Variants in CADPS observed in about 807,000 individuals in gnomAD.
CADPS encodes the protein calcium dependent secretion activator, also known as calcium-dependent secretion activator 1.
Under a neutral mutation model 167.3 loss-of-function variants are expected in CADPS, and 57 were observed. The observed-to-expected ratio is 0.34, with a 90% confidence interval of 0.28 to 0.42. The LOEUF (loss-of-function observed/expected upper bound fraction) is 0.42. Among genes scored for constraint, CADPS ranks in the 20% least tolerant of loss-of-function variants. CADPS has a pLI of 1.00. For missense variants in CADPS, 1,414 were observed against 1,738.1 expected (o/e 0.81, Z 3.32); for synonymous variants, 676 against 635.3 (o/e 1.06, Z -0.96).
chr3:62,436,600 G>C (rs908052811), intron 28 of CADPS, among the ~76,000 whole-genome samples: 1 of 152,170 alleles, frequency 6.6e-6, no homozygotes, highest in African/African-American at 2.4e-5. Flanking sequence ...CAGAGAAGGG[G>C]GAGGACCCGC....
At chr3:62,429,081 C>G (rs764926684) in intron 28 of CADPS, among the ~76,000 whole-genome samples, 1 of 150,802 alleles carries the variant, frequency 6.6e-6, no homozygotes, top group Non-Finnish European at 1.5e-5. Flanking sequence ...GTGGTAATAT[C>G]AGGAACTATC....
At chr3:62,464,778 G>C (rs1380500645) in intron 26 of CADPS, among the ~76,000 whole-genome samples, 1 of 152,062 alleles carries the variant, frequency 6.6e-6, no homozygotes, top group African/African-American at 2.4e-5. Flanking sequence ...CCAGGAGGGG[G>C]TTACAGCAAA....
chr3:62,750,774 C>G (rs2082522186), intron 3 of CADPS, among the ~76,000 whole-genome samples: 1 of 152,204 alleles, frequency 6.6e-6, no homozygotes, highest in Non-Finnish European at 1.5e-5. Flanking sequence ...CTCCACTTAG[C>G]AATATCTAAG....
intron 3 of CADPS, among the ~76,000 whole-genome samples, chr3:62,750,353 CAAAAAAAAAAAAA>C (rs56069272): frequency 2.2e-5 from 1 of 44,890 alleles, no homozygotes; most frequent in Non-Finnish European, 3.8e-5. Flanking sequence ...TCTTAAGCTC[CAAAAAAAAAAAAA>C]AAAAAAAAAA....
At chr3:62,628,479 G>A (rs1294694581) in intron 6 of CADPS, among the ~76,000 whole-genome samples, 2 of 152,086 alleles carry the variant, frequency 1.3e-5, no homozygotes, top group Non-Finnish European at 2.9e-5. Flanking sequence ...CAGGTGGGGT[G>A]ACAAATTAAT....
intron 4 of CADPS, among the ~76,000 whole-genome samples, chr3:62,653,588 A>T (rs535456084): frequency 1.3e-5 from 2 of 152,182 alleles, no homozygotes; most frequent in African/African-American, 4.8e-5. Context: ...ATTCAGGACC[A>T]TATCTATCTT....
chr3:62,570,029 G>A (rs563145214), intron 9 of CADPS, among the ~76,000 whole-genome samples: 8 of 152,142 alleles, frequency 5.3e-5, no homozygotes, highest in South Asian at 4.2e-4. Context: ...ATCAATATCC[G>A]CATCTACATT....
In CADPS at chr3:62,474,153, A is replaced by ATTTTT. The variant is rs61586697; in HGVS notation, c.3477+15_3477+19dup. Reference sequence around the variant, plus strand: ...AATGAAGAGGGAAAAAAAAATCTGTATTTTTTTTTTTTTTTTTACCTCTTG... The same window carrying ATTTTT: ...AATGAAGAGGGAAAAAAAAATCTGTATTTTTTTTTTTTTTTTTTTTTTACCTCTTG... On this transcript the variant is annotated intron_variant, in intron 24 of 29. Transcript: ENST00000383710. 388 of 740,138 alleles carry ATTTTT rather than the reference A, an allele frequency of 5.2e-4. 8 individuals carry two copies. The highest frequency in any genetic ancestry group is 1.5e-3 in the African/African-American group (48 of 31,928). 45.8% of individuals were successfully genotyped at this position (740,138 alleles called of 1,614,324 possible). A position where few individuals can be genotyped will look rare whatever the true frequency, so the allele number is the denominator to read the frequency against.
At chr3:62,647,473 G>A (rs181528482) in intron 5 of CADPS, among the ~76,000 whole-genome samples, 1 of 152,304 alleles carries the variant, frequency 6.6e-6, no homozygotes, top group East Asian at 1.9e-4. Flanking sequence ...TGATGCTGCT[G>A]ACCCAGAAGC....
intron 21 of CADPS, among the ~76,000 whole-genome samples, chr3:62,487,180 T>C (rs2062954780): frequency 6.6e-6 from 1 of 152,176 alleles, no homozygotes; most frequent in African/African-American, 2.4e-5. Context: ...CCTGGAGGTG[T>C]TTAAGTAAAG....
chr3:62,537,732 C>CT (rs113299753), intron 11 of CADPS, among the ~76,000 whole-genome samples: 43 of 146,432 alleles, frequency 2.9e-4, no homozygotes, highest in Middle Eastern at 3.6e-3. Context: ...TCCCAGGCAG[C>CT]TTTTTTTTTT....
chr3:62,842,840 A>G (rs2076840142), intron 1 of CADPS, among the ~76,000 whole-genome samples: 1 of 152,190 alleles, frequency 6.6e-6, no homozygotes, highest in Non-Finnish European at 1.5e-5. Flanking sequence ...AAGTTTTATA[A>G]TCATTTTCAT....
intron 12 of CADPS, 149 bp downstream of exon 12, chr3:62,536,296 C>T: frequency 1.5e-6 from 1 of 678,862 alleles, no homozygotes; most frequent in Non-Finnish European, 2.4e-6. Context: ...GTAAGTAAAA[C>T]TATCTCAACC....
At chr3:62,437,131 C>A (rs1327278431) in intron 28 of CADPS, among the ~76,000 whole-genome samples, 8 of 151,906 alleles carry the variant, frequency 5.3e-5, no homozygotes, top group Admixed American at 5.2e-4. Flanking sequence ...AATATGGAAA[C>A]CTGGACAGGA....
chr3:62,535,523 A>G (rs1404642965), intron 12 of CADPS, among the ~76,000 whole-genome samples: 2 of 151,966 alleles, frequency 1.3e-5, no homozygotes, highest in African/African-American at 4.8e-5. Flanking sequence ...TACTTATTAT[A>G]TAGTATAAAT....
At chr3:62,437,742 T>C (rs2055434537) in intron 28 of CADPS, among the ~76,000 whole-genome samples, 1 of 152,170 alleles carries the variant, frequency 6.6e-6, no homozygotes, top group Non-Finnish European at 1.5e-5. Flanking sequence ...TCAGCCTCCC[T>C]GATGAGAATA....
chr3:62,643,073 G>A (rs1186765248), intron 6 of CADPS, among the ~76,000 whole-genome samples: 1 of 152,098 alleles, frequency 6.6e-6, no homozygotes, highest in Non-Finnish European at 1.5e-5. Context: ...ACAGAATTGT[G>A]GATTTAGAAG....
In CADPS at chr3:62,420,388, T is replaced by C. The variant is rs1037046166; in HGVS notation, c.3778-17203A>G. On this transcript the variant is annotated intron_variant, in intron 28 of 29. Coordinates refer to ENST00000383710, the MANE Select transcript of CADPS (RefSeq NM_003716.4). This position sits in a 1 kb window ranked among gnomAD's most constrained non-coding sequence, Gnocchi z 4.1. Reference sequence around the variant, plus strand: ...ATCTTTTTAGGAGCTGGATATGGCATTGAGTGGTTTCCAAAAAGCAGTCAA... The same window carrying C: ...ATCTTTTTAGGAGCTGGATATGGCACTGAGTGGTTTCCAAAAAGCAGTCAA... Among the ~76,000 whole-genome samples the C allele has an allele frequency of 3.9e-5, 6 of 152,276 alleles. No homozygotes were observed. The highest frequency in any genetic ancestry group is 1.4e-4 in the African/African-American group (6 of 41,548).
chr3:62,686,943 G>A (rs909746795), intron 3 of CADPS, among the ~76,000 whole-genome samples: 7 of 152,180 alleles, frequency 4.6e-5, no homozygotes, highest in Admixed American at 2.0e-4. Flanking sequence ...ACATAGTAAT[G>A]CTCAAAAGGT....
Sources: allele counts gnomAD v4.1 joint callset (sites outside exome capture counted in the v4.1 genomes callset), GRCh38; gene constraint gnomAD v4.1.1; non-coding constraint Gnocchi (gnomAD v3.1); transcripts MANE v1.5; gene names NCBI Gene and HGNC (gene_info 2026-07-23, HGNC 2026-07-21).